The following SUSD5 variants were observed in gnomAD, a reference collection of about 807,000 sequenced individuals.
SUSD5 encodes the protein sushi domain-containing protein 5.
Under a neutral mutation model 29.5 loss-of-function variants are expected in SUSD5, and 33 were observed. That is an observed-to-expected ratio of 1.12 (90% CI 0.85 to 1.49). The LOEUF is 1.49. Among genes scored for constraint, SUSD5 ranks in the 40% most tolerant of loss-of-function variants. The pLI, the probability that SUSD5 is intolerant of heterozygous loss-of-function variation, is 0.00. For missense variants in SUSD5, 776 were observed against 800.6 expected (o/e 0.97, Z 0.37); for synonymous variants, 308 against 325.3 (o/e 0.95, Z 0.57).
At chr3:33,155,896 G>T (rs2031040007) in intron 4 of SUSD5, among the ~76,000 whole-genome samples, 1 of 152,128 alleles carries the variant, frequency 6.6e-6, no homozygotes, top group Non-Finnish European at 1.5e-5. Context: ...TGATGACTGG[G>T]TATGGTACAA....
intron 1 of SUSD5, among the ~76,000 whole-genome samples, chr3:33,217,248 C>T (rs553738564): frequency 6.6e-6 from 1 of 152,238 alleles, no homozygotes; most frequent in African/African-American, 2.4e-5. Context: ...CCAATTTATT[C>T]TACTTGCATT....
Position 33,152,411 on chromosome 3 carries a change from CTCTG to C in SUSD5, c.*327_*330del, listed in dbSNP as rs2030921548. 1.7e-5 allele frequency: 4 copies of C among 241,600 alleles called. No individual in the cohort carries two copies. In the South Asian group the frequency reaches 3.0e-4, roughly 18 times the overall value. The allele number at this position is 241,600 out of a possible 1,614,324, so 15.0% of individuals were successfully genotyped here. On this transcript the variant is annotated 3_prime_UTR_variant, in exon 5 of 5. Coordinates refer to ENST00000309558, the MANE Select transcript of SUSD5 (RefSeq NM_015551.2). ...CTCCAGCCTGGGCAACAGCATGAGA[CTCTG>C]TCTCAAAAAAAAAAAGATAATACTG...
chr3:33,203,550 C>CA, intron 3 of SUSD5, among the ~76,000 whole-genome samples: 1 of 152,224 alleles, frequency 6.6e-6, no homozygotes, highest in Non-Finnish European at 1.5e-5. Flanking sequence ...ACATATAATG[C>CA]CTGCTCTTTT....
chr3:33,152,500 G>A lies in SUSD5; in HGVS notation c.*242C>T. ...GGAAACAGGGCCCAAGCACAGGTCT[G>A]GGATTAGTGTAGTCAATTCCAGGGC... is the stretch of plus-strand genomic sequence containing the variant. On this transcript the variant is annotated 3_prime_UTR_variant, in exon 5 of 5. Coordinates refer to ENST00000309558, the MANE Select transcript of SUSD5 (RefSeq NM_015551.2). 1.9e-6 allele frequency: 1 copy of A among 516,884 alleles called. No homozygotes were observed. The highest frequency in any genetic ancestry group is 3.6e-5 in the Admixed American group (1 of 27,478). The allele number at this position is 516,884 out of a possible 1,614,324, so 32.0% of individuals were successfully genotyped here. A position where few individuals can be genotyped will look rare whatever the true frequency, so the allele number is the denominator to read the frequency against.
chr3:33,207,694 TA>T, intron 3 of SUSD5, 113 bp downstream of exon 3: 1 of 633,780 alleles, frequency 1.6e-6, no homozygotes, highest in Non-Finnish European at 2.7e-6. Context: ...GACTTCCTGA[TA>T]AACCATGTCT....
In SUSD5 at chr3:33,189,539, T is replaced by C. The variant is rs184458430; in HGVS notation, c.410-14465A>G. Reference sequence around the variant, plus strand: ...AAATGATATAATGTCCTGGATTTGCTTTAAAATATCTCAATTATATAAGAA... The same window carrying C: ...AAATGATATAATGTCCTGGATTTGCCTTAAAATATCTCAATTATATAAGAA... On this transcript the variant is annotated intron_variant, in intron 3 of 4. Transcript: ENST00000309558. Among the ~76,000 whole-genome samples, 156 of 151,848 alleles carry C rather than the reference T, an allele frequency of 1.0e-3. 1 individual carries two copies. The highest frequency in any genetic ancestry group is 3.1e-3 in the African/African-American group (129 of 41,404).
chr3:33,218,153 T>C (rs1437026793), intron 1 of SUSD5, among the ~76,000 whole-genome samples: 1 of 152,212 alleles, frequency 6.6e-6, no homozygotes, highest in Admixed American at 6.5e-5. Flanking sequence ...CCGTTTTTCC[T>C]GTCACTCAGA....
chr3:33,166,518 C>T (rs952698535), intron 4 of SUSD5, among the ~76,000 whole-genome samples: 1 of 152,092 alleles, frequency 6.6e-6, no homozygotes, highest in Non-Finnish European at 1.5e-5. Flanking sequence ...CAGAGTTCAC[C>T]GCTGTCACCA....
At chr3:33,193,474 G>A (rs4488784) in intron 3 of SUSD5, among the ~76,000 whole-genome samples, 110,440 of 152,010 alleles carry the variant, frequency 0.73, 40,304 homozygotes, top group East Asian at 0.83. Context: ...GGGCATAGGA[G>A]GCTGAGGGAT....
chr3:33,153,300 C>G lies in SUSD5; in HGVS notation c.1332G>C (p.Val444=). 1 of 1,613,938 alleles carries G rather than the reference C, an allele frequency of 6.2e-7. No homozygotes were observed. The highest frequency in any genetic ancestry group is 8.5e-7 in the Non-Finnish European group (1 of 1,179,882). ...SSVLPSQMLD[V]EALALRPVNA... is the part of the protein sequence containing the mutation. ...TCACGGGTCTGAGCGCCAAAGCTTC[C>G]ACATCTAGCATTTGAGATGGAAGAA... Residue 444 remains valine (V), a synonymous_variant, in exon 5 of 5, where the codon GTG becomes GTC. Transcript: ENST00000309558.
At position 33,150,098 on chromosome 3, in the gene SUSD5, C is replaced by T. The variant is rs1425054215; in HGVS notation, c.*2644G>A. Reference sequence around the variant, plus strand: ...TCAGAAGCTTTGTGTTAATAGAACCCCCTCCCCCAATTTTCATGAGCATTA... The same window carrying T: ...TCAGAAGCTTTGTGTTAATAGAACCTCCTCCCCCAATTTTCATGAGCATTA... On this transcript the variant is annotated 3_prime_UTR_variant, in exon 5 of 5. Coordinates refer to ENST00000309558, the MANE Select transcript of SUSD5 (RefSeq NM_015551.2). 3 of 151,984 alleles carry T rather than the reference C, an allele frequency of 2.0e-5. No homozygotes were observed. The highest frequency in any genetic ancestry group is 3.8e-4 in the East Asian group (2 of 5,200). The allele number at this position is 151,984 out of a possible 1,614,324, so 9.4% of individuals were successfully genotyped here. A position where few individuals can be genotyped will look rare whatever the true frequency, so the allele number is the denominator to read the frequency against.
intron 3 of SUSD5, among the ~76,000 whole-genome samples, chr3:33,201,032 A>G (rs1036569631): frequency 1.3e-5 from 2 of 152,254 alleles, no homozygotes; most frequent in African/African-American, 4.8e-5. Context: ...TTCTCAGCTT[A>G]TCATTATTGA....
In SUSD5 at chr3:33,150,994, A is replaced by T. The variant is rs2030862026; in HGVS notation, c.*1748T>A. On this transcript the variant is annotated 3_prime_UTR_variant, in exon 5 of 5. Transcript: ENST00000309558. ...TCATTTCTGTGCCAACATACAGGAG[A>T]CTATTGCAGGTGGCATTTAGGCAGC... The T allele has an allele frequency of 6.6e-6, 1 of 152,208 alleles. No homozygotes were observed. The highest frequency in any genetic ancestry group is 1.5e-5 in the Non-Finnish European group (1 of 68,038). The allele number at this position is 152,208 out of a possible 1,614,324, so 9.4% of individuals were successfully genotyped here.
At chr3:33,201,155 G>C (rs2032110167) in intron 3 of SUSD5, among the ~76,000 whole-genome samples, 1 of 152,200 alleles carries the variant, frequency 6.6e-6, no homozygotes, top group South Asian at 2.1e-4. Context: ...CTGTGGAATA[G>C]CATGTAGGCA....
intron 3 of SUSD5, among the ~76,000 whole-genome samples, chr3:33,184,198 C>T (rs1287878355): frequency 6.6e-6 from 1 of 151,964 alleles, no homozygotes; most frequent in Non-Finnish European, 1.5e-5. Context: ...CCTCAGCCTC[C>T]CAAAGTGCTG....
At chr3:33,169,575 G>A (rs147274121) in intron 4 of SUSD5, among the ~76,000 whole-genome samples, 8 of 152,306 alleles carry the variant, frequency 5.3e-5, no homozygotes, top group Non-Finnish European at 1.0e-4. Flanking sequence ...ACCCAATAGA[G>A]TTGTTGAAAA....
intron 3 of SUSD5, among the ~76,000 whole-genome samples, chr3:33,202,212 C>T (rs1458956311): frequency 1.3e-5 from 2 of 152,246 alleles, no homozygotes; most frequent in East Asian, 3.9e-4. Context: ...TTCACACTTC[C>T]CTGGGAGACC....
At chr3:33,190,605 A>T (rs1213294740) in intron 3 of SUSD5, among the ~76,000 whole-genome samples, 1 of 152,198 alleles carries the variant, frequency 6.6e-6, no homozygotes, top group African/African-American at 2.4e-5. Context: ...GAACATTGTA[A>T]CATACCTTTA....
intron 4 of SUSD5, among the ~76,000 whole-genome samples, chr3:33,163,959 C>G (rs1181643195): frequency 6.6e-6 from 1 of 152,182 alleles, no homozygotes; most frequent in Non-Finnish European, 1.5e-5. Flanking sequence ...GAGATCGCAC[C>G]ACTGCACTCC....
Sources: allele counts gnomAD v4.1 joint callset (sites outside exome capture counted in the v4.1 genomes callset), GRCh38; gene constraint gnomAD v4.1.1; transcripts MANE v1.5; gene names NCBI Gene and HGNC (gene_info 2026-07-23, HGNC 2026-07-21).